The following NBAS variants were observed in gnomAD, a reference collection of about 807,000 sequenced individuals.
NBAS encodes the protein NBAS subunit of NRZ tethering complex.
A neutral mutation model predicts 302.5 loss-of-function variants in NBAS; 219 were observed. That is an observed-to-expected ratio of 0.72 (90% CI 0.65 to 0.81). The LOEUF is 0.81. Ranked by LOEUF, NBAS falls within the 30% of genes least tolerant of loss-of-function variation. The pLI is 0.00. For synonymous variants in NBAS, 1,118 were observed against 1,021.6 expected (o/e 1.09, Z -1.80); for missense variants, 2,932 against 2,841.6 (o/e 1.03, Z -0.72).
chr2:15,351,854 G>T (rs1673371912), intron 35 of NBAS, 138 bp downstream of exon 35: 4 of 715,830 alleles, frequency 5.6e-6, no homozygotes, highest in Middle Eastern at 2.3e-4. Flanking sequence ...AAGCTGAAAA[G>T]AAAAGTGGTC....
chr2:15,238,067 G>A (rs979426346), intron 45 of NBAS, among the ~76,000 whole-genome samples: 2 of 152,026 alleles, frequency 1.3e-5, no homozygotes, highest in African/African-American at 2.4e-5. Flanking sequence ...GAGCCACCGC[G>A]CCCAGCCTAT....
intron 34 of NBAS, among the ~76,000 whole-genome samples, chr2:15,352,524 G>A (rs1256061124): frequency 6.6e-6 from 1 of 152,154 alleles, no homozygotes. Context: ...GACAAGTGCG[G>A]GTTTTGACCT....
chr2:15,516,590 G>A (rs1453899036), intron 9 of NBAS, among the ~76,000 whole-genome samples: 1 of 152,046 alleles, frequency 6.6e-6, no homozygotes, highest in Admixed American at 6.6e-5. Flanking sequence ...AGGTGTGGTG[G>A]CGTGCACCTG....
At chr2:15,221,508 G>A (rs528040531) in intron 47 of NBAS, among the ~76,000 whole-genome samples, 3 of 152,276 alleles carry the variant, frequency 2.0e-5, no homozygotes, top group South Asian at 4.2e-4. Flanking sequence ...TATATGGTCC[G>A]TGCCTTCAAA....
chr2:15,363,152 C>A (rs1223947515), intron 32 of NBAS, among the ~76,000 whole-genome samples: 1 of 152,192 alleles, frequency 6.6e-6, no homozygotes, highest in Non-Finnish European at 1.5e-5. Context: ...AGGCCATATC[C>A]ACAGAGTTCC....
At chr2:15,383,523 T>G (rs781253587) in intron 28 of NBAS, among the ~76,000 whole-genome samples, 1 of 152,176 alleles carries the variant, frequency 6.6e-6, no homozygotes, top group Non-Finnish European at 1.5e-5. Context: ...TGGGCAGCTA[T>G]GCATCACTGC....
At chr2:15,484,527 CA>C (rs889570377) in intron 12 of NBAS, among the ~76,000 whole-genome samples, 10 of 151,916 alleles carry the variant, frequency 6.6e-5, no homozygotes, top group African/African-American at 2.2e-4. Context: ...TGATTTTTCA[CA>C]AAAAAAATTT....
Position 15,554,792 on chromosome 2 carries a change from G to A in NBAS, c.210-654C>T, listed in dbSNP as rs73915376. 6.2e-3 allele frequency among the ~76,000 whole-genome samples: 942 copies of A among 151,842 alleles called. 13 individuals carry two copies. The highest frequency in any genetic ancestry group is 0.022 in the African/African-American group (892 of 41,374). On this transcript the variant is annotated intron_variant, in intron 3 of 51. Transcript: ENST00000281513. ...CTCTCCCTGGAACTATGGTTCTGTG[G>A]AGGATAAGAATAAAATCTCCTATGA...
chr2:15,088,797 C>A, the NBAS span, among the ~76,000 whole-genome samples: 2 of 152,190 alleles, frequency 1.3e-5, no homozygotes, highest in Admixed American at 6.5e-5. Context: ...AAGATAGATC[C>A]AAGGCAAGAA....
chr2:15,196,906 G>T (rs1371772290), intron 48 of NBAS, among the ~76,000 whole-genome samples: 1 of 152,124 alleles, frequency 6.6e-6, no homozygotes, highest in African/African-American at 2.4e-5. Context: ...TCTGTATTTG[G>T]TGACTTATCC....
the NBAS span, among the ~76,000 whole-genome samples, chr2:14,791,718 C>T: frequency 1.1e-3 from 161 of 152,072 alleles, no homozygotes; most frequent in African/African-American, 3.8e-3. Flanking sequence ...GCAGAAGAAT[C>T]GCTTGAATCC....
At chr2:14,889,750 C>G in the NBAS span, among the ~76,000 whole-genome samples, 1 of 152,104 alleles carries the variant, frequency 6.6e-6, no homozygotes, top group Admixed American at 6.5e-5. Flanking sequence ...GGTATATTGC[C>G]CTTCTGAGGT....
chr2:15,147,044 T>G, the NBAS span, among the ~76,000 whole-genome samples: 2 of 152,158 alleles, frequency 1.3e-5, no homozygotes, highest in Admixed American at 1.3e-4. Flanking sequence ...TGTTATCGTG[T>G]GCATTTAGGA....
chr2:14,995,146 G>C, the NBAS span, among the ~76,000 whole-genome samples: 1 of 152,052 alleles, frequency 6.6e-6, no homozygotes, highest in Non-Finnish European at 1.5e-5. Flanking sequence ...TGCCATGTTG[G>C]TGTGCTGCAC....
At chr2:15,340,067 G>C (rs775775669) in intron 35 of NBAS, among the ~76,000 whole-genome samples, 11 of 152,176 alleles carry the variant, frequency 7.2e-5, no homozygotes, top group Non-Finnish European at 1.3e-4. Context: ...CCTTGTAGAT[G>C]ACTATAAAGC....
chr2:15,422,725 T>G (rs377595200), intron 23 of NBAS, among the ~76,000 whole-genome samples: 1 of 152,210 alleles, frequency 6.6e-6, no homozygotes, highest in Non-Finnish European at 1.5e-5. Context: ...CACTTTTTAC[T>G]GACATGAGAA....
the NBAS span, among the ~76,000 whole-genome samples, chr2:14,924,394 C>T: frequency 2.6e-5 from 4 of 152,234 alleles, no homozygotes; most frequent in African/African-American, 9.6e-5. Context: ...CCTTCTTCTA[C>T]TAATGCCTCA....
the NBAS span, among the ~76,000 whole-genome samples, chr2:15,110,522 T>C: frequency 1.3e-5 from 2 of 152,068 alleles, no homozygotes; most frequent in African/African-American, 2.4e-5. Flanking sequence ...AATTAAACCA[T>C]AGAAGTTGCA....
At chr2:14,892,911 C>G in the NBAS span, among the ~76,000 whole-genome samples, 1 of 152,118 alleles carries the variant, frequency 6.6e-6, no homozygotes, top group Non-Finnish European at 1.5e-5. Context: ...TCCTTCCTTA[C>G]AGGATTAGAC....
Sources: gnomAD v4.1 joint callset for allele counts (sites outside exome capture counted in the v4.1 genomes callset) on GRCh38, gnomAD v4.1.1 for gene constraint, MANE v1.5 for transcripts, NCBI Gene and HGNC (gene_info 2026-07-23, HGNC 2026-07-21) for gene names.